RAB38: variants seen among roughly 807,000 people sequenced by gnomAD.
RAB38 encodes ras-related protein Rab-38.
RAB38 carries 15 observed loss-of-function variants against 18.4 expected under a neutral mutation model. That is an observed-to-expected ratio of 0.82 (90% confidence interval 0.55 to 1.26). The LOEUF is 1.26. Ranked by LOEUF, RAB38 falls within the 50% of genes most tolerant of loss-of-function variation. The pLI is 0.00. For synonymous variants in RAB38, 101 were observed against 104.4 expected, an observed-to-expected ratio of 0.97 and a Z score of 0.20; for missense variants, 294 against 267.4, an observed-to-expected ratio of 1.10 and a Z score of -0.69.
At chr11:87,959,062 G>T in the RAB38 span, among the ~76,000 whole-genome samples, 1 of 152,052 alleles carries the variant, frequency 6.6e-6, no homozygotes, top group African/African-American at 2.4e-5. Flanking sequence ...CACAATTTCT[G>T]CCATGTACAC....
At chr11:87,846,871 TAGC>T in the RAB38 span, among the ~76,000 whole-genome samples, 3 of 152,004 alleles carry the variant, frequency 2.0e-5, no homozygotes, top group African/African-American at 4.8e-5. Context: ...TAGAACCAAA[TAGC>T]AGTAACTATA....
At chr11:87,814,767 T>C in the RAB38 span, among the ~76,000 whole-genome samples, 5 of 151,294 alleles carry the variant, frequency 3.3e-5, no homozygotes, top group South Asian at 6.2e-4. Context: ...AGAGTCTCGC[T>C]CTTTCACTGA....
chr11:87,805,580 G>T, the RAB38 span, among the ~76,000 whole-genome samples: 1 of 149,362 alleles, frequency 6.7e-6, no homozygotes, highest in Admixed American at 6.7e-5. Flanking sequence ...AAGCATTTTA[G>T]TCAGGGTTCC....
the RAB38 span, among the ~76,000 whole-genome samples, chr11:88,058,286 A>T: frequency 8.5e-5 from 13 of 152,244 alleles, no homozygotes; most frequent in Admixed American, 5.9e-4. Context: ...TTTGCAATGT[A>T]GAGATAGATT....
At chr11:87,827,750 G>C in the RAB38 span, among the ~76,000 whole-genome samples, 1 of 152,102 alleles carries the variant, frequency 6.6e-6, no homozygotes. Context: ...GAGAACTTCA[G>C]ACAAAACTCA....
the RAB38 span, among the ~76,000 whole-genome samples, chr11:88,019,964 T>G: frequency 6.6e-6 from 1 of 152,174 alleles, no homozygotes; most frequent in Non-Finnish European, 1.5e-5. Flanking sequence ...AATTCAGCAC[T>G]GTAGACATAC....
At chr11:88,063,046 C>T in the RAB38 span, among the ~76,000 whole-genome samples, 45 of 152,144 alleles carry the variant, frequency 3.0e-4, no homozygotes, top group East Asian at 4.3e-3. Context: ...ATGTTTCAAT[C>T]GAATAAACTG....
chr11:87,878,671 G>C, the RAB38 span, among the ~76,000 whole-genome samples: 4 of 151,604 alleles, frequency 2.6e-5, no homozygotes, highest in Admixed American at 1.3e-4. Context: ...CCTAGTTTCA[G>C]CTTCTCTTTA....
chr11:88,032,981 T>G, the RAB38 span, among the ~76,000 whole-genome samples: 2 of 152,206 alleles, frequency 1.3e-5, no homozygotes, highest in African/African-American at 4.8e-5. Flanking sequence ...CCAATCCAAA[T>G]GTCCAACAAT....
the RAB38 span, among the ~76,000 whole-genome samples, chr11:87,880,939 G>A: frequency 0.061 from 9,243 of 151,850 alleles, 388 homozygotes; most frequent in Admixed American, 0.09. Flanking sequence ...TTGTAATTAA[G>A]TATCAACTAG....
chr11:88,010,156 T>C, the RAB38 span, among the ~76,000 whole-genome samples: 1 of 152,216 alleles, frequency 6.6e-6, no homozygotes, highest in Non-Finnish European at 1.5e-5. Context: ...TGGTGCAGTA[T>C]GGATTTCAAA....
the RAB38 span, among the ~76,000 whole-genome samples, chr11:88,108,196 ATCTG>A: frequency 6.6e-6 from 1 of 151,998 alleles, no homozygotes; most frequent in Non-Finnish European, 1.5e-5. Flanking sequence ...TGTCTCATTG[ATCTG>A]TCTAATATTG....
the RAB38 span, among the ~76,000 whole-genome samples, chr11:87,813,024 G>T: frequency 2.8e-4 from 42 of 152,108 alleles, no homozygotes; most frequent in African/African-American, 9.9e-4. Flanking sequence ...GAAAGATCCA[G>T]TGATTCTTAT....
chr11:87,874,743 G>C, the RAB38 span, among the ~76,000 whole-genome samples: 2 of 151,376 alleles, frequency 1.3e-5, no homozygotes, highest in South Asian at 4.2e-4. Flanking sequence ...AATCCACAAA[G>C]AGATATCACC....
chr11:88,055,277 T>C, the RAB38 span, among the ~76,000 whole-genome samples: 142 of 152,300 alleles, frequency 9.3e-4, 1 homozygote, highest in East Asian at 6.7e-3. Flanking sequence ...TAAATAGTAT[T>C]TAAACTGTAA....
the RAB38 span, among the ~76,000 whole-genome samples, chr11:88,069,826 C>T: frequency 1.2e-5 from 1 of 81,928 alleles, no homozygotes; most frequent in African/African-American, 5.7e-5. Flanking sequence ...TGCTCTGTGT[C>T]TAGTTAATCT....
the RAB38 span, among the ~76,000 whole-genome samples, chr11:87,949,274 C>T: frequency 6.6e-6 from 1 of 152,012 alleles, no homozygotes; most frequent in African/African-American, 2.4e-5. Flanking sequence ...TTTGATTCTT[C>T]TCTCTTTTCT....
chr11:88,068,011 A>G, the RAB38 span, among the ~76,000 whole-genome samples: 2 of 148,376 alleles, frequency 1.3e-5, no homozygotes, highest in East Asian at 3.9e-4. Context: ...CTATACATAT[A>G]TTTTATATAT....
At chr11:87,925,611 T>C in the RAB38 span, among the ~76,000 whole-genome samples, 1 of 152,062 alleles carries the variant, frequency 6.6e-6, no homozygotes, top group Non-Finnish European at 1.5e-5. Context: ...GAAATCATCT[T>C]GGCTGGTTAT....
Sources: allele counts gnomAD v4.1 joint callset (sites outside exome capture counted in the v4.1 genomes callset), GRCh38; gene constraint gnomAD v4.1.1; transcripts MANE v1.5; gene names NCBI Gene and HGNC (gene_info 2026-07-23, HGNC 2026-07-21).